FHIT: variants seen among roughly 807,000 people sequenced by gnomAD.
The protein encoded by FHIT is bis(5'-adenosyl)-triphosphatase.
FHIT carries 19 observed loss-of-function variants against 17.9 expected under a neutral mutation model. The ratio of observed to expected loss-of-function variants is 1.06; its 90% CI spans 0.74 to 1.56. FHIT has a LOEUF of 1.56. Ranked by LOEUF, FHIT falls within the 40% of genes most tolerant of loss-of-function variation. The pLI is 0.00. For synonymous variants in FHIT, 81 were observed against 69.7 expected, an observed-to-expected ratio of 1.16 and a Z score of -0.81; for missense variants, 248 against 189.2, an observed-to-expected ratio of 1.31 and a Z score of -1.82.
chr3:60,915,016 A>C lies in FHIT; in HGVS notation c.-110-93005T>G, dbSNP rs144822951. 6.9e-3 allele frequency among the ~76,000 whole-genome samples: 1,044 copies of C among 152,340 alleles called. 4 individuals are homozygous for C. Among genetic ancestry groups the C allele is most frequent in the Non-Finnish European group, 0.012 (804 of 68,026 alleles). ...CTGCAGGAAAATAAGCTCTGATTAC[A>C]CTACATAGTTCATACACCTCAATGT... On this transcript the variant is annotated intron_variant, in intron 3 of 9. Coordinates refer to ENST00000492590, the MANE Select transcript of FHIT (RefSeq NM_002012.4).
At chr3:60,666,422 T>C (rs782717901) in intron 4 of FHIT, among the ~76,000 whole-genome samples, 14 of 152,214 alleles carry the variant, frequency 9.2e-5, no homozygotes, top group Non-Finnish European at 2.9e-5. Flanking sequence ...GGCATTTCCT[T>C]CTCATCTCCA....
chr3:61,125,693 C>T (rs1213287750), intron 2 of FHIT, among the ~76,000 whole-genome samples: 1 of 152,158 alleles, frequency 6.6e-6, no homozygotes, highest in Admixed American at 6.6e-5. Context: ...TTTAAACTGT[C>T]TAAAACTATG....
intron 5 of FHIT, among the ~76,000 whole-genome samples, chr3:60,085,732 T>C (rs1437485164): frequency 6.6e-6 from 1 of 152,150 alleles, no homozygotes; most frequent in Non-Finnish European, 1.5e-5. Flanking sequence ...GCCAAAATGG[T>C]TTATATATCA....
intron 8 of FHIT, among the ~76,000 whole-genome samples, chr3:59,778,938 C>T (rs1022995479): frequency 6.6e-6 from 1 of 152,186 alleles, no homozygotes; most frequent in Non-Finnish European, 1.5e-5. Flanking sequence ...CTCACAGTTA[C>T]ATGGATTTGA....
intron 3 of FHIT, among the ~76,000 whole-genome samples, chr3:61,023,169 A>C (rs1288451620): frequency 6.6e-6 from 1 of 152,224 alleles, no homozygotes; most frequent in African/African-American, 2.4e-5. Flanking sequence ...ATCAATGTGC[A>C]AAAATCACAA....
In FHIT at chr3:60,248,442, C is replaced by T. The variant is rs558488281; in HGVS notation, c.104-234290G>A. On this transcript the variant is annotated intron_variant, in intron 5 of 9. Transcript: ENST00000492590. ...TTCCCCTTCAGGGTGTATGAGACAG[C>T]GTGTTGGAAAATGGAATGATTCTTG... Among the ~76,000 whole-genome samples the T allele has an allele frequency of 9.2e-5, 14 of 152,064 alleles. No individual in the cohort carries two copies. In the East Asian group the frequency reaches 1.5e-3, roughly 17 times the overall value.
At chr3:59,817,370 C>T (rs1271299167) in intron 8 of FHIT, among the ~76,000 whole-genome samples, 1 of 151,688 alleles carries the variant, frequency 6.6e-6, no homozygotes, top group Admixed American at 6.6e-5. Context: ...TAAGACTATC[C>T]ACCAAACGGG....
intron 5 of FHIT, among the ~76,000 whole-genome samples, chr3:60,069,373 C>T (rs1702662038): frequency 1.3e-5 from 2 of 152,164 alleles, no homozygotes; most frequent in South Asian, 4.1e-4. Context: ...CAACCTGTTA[C>T]AATTCATGAC....
At chr3:59,985,155 C>T (rs1708837526) in intron 7 of FHIT, among the ~76,000 whole-genome samples, 1 of 152,086 alleles carries the variant, frequency 6.6e-6, no homozygotes, top group Admixed American at 6.6e-5. Flanking sequence ...GTGGGGCATG[C>T]AGCTTCTGGA....
chr3:60,696,853 G>C (rs1436145715), intron 4 of FHIT, among the ~76,000 whole-genome samples: 1 of 152,170 alleles, frequency 6.6e-6, no homozygotes, highest in Non-Finnish European at 1.5e-5. Context: ...CAGAAATCCA[G>C]TGAAAGTATC....
intron 2 of FHIT, among the ~76,000 whole-genome samples, chr3:61,145,613 G>A (rs2037205831): frequency 6.6e-6 from 1 of 151,880 alleles, no homozygotes; most frequent in African/African-American, 2.4e-5. Context: ...GATCATTTTG[G>A]CCAGTATTGC....
chr3:60,121,705 AACAAACAC>A (rs1440473124), intron 5 of FHIT, among the ~76,000 whole-genome samples: 10 of 77,716 alleles, frequency 1.3e-4, no homozygotes, highest in African/African-American at 5.0e-4. Context: ...AAACAAACAA[AACAAACAC>A]ACACACACAC....
chr3:59,995,571 T>A (rs1699472733), intron 7 of FHIT, among the ~76,000 whole-genome samples: 1 of 152,138 alleles, frequency 6.6e-6, no homozygotes, highest in African/African-American at 2.4e-5. Context: ...TAATATTTTT[T>A]AAATTATGCT....
intron 8 of FHIT, among the ~76,000 whole-genome samples, chr3:59,777,785 T>A (rs1702397298): frequency 1.3e-5 from 2 of 152,022 alleles, no homozygotes; most frequent in Admixed American, 6.5e-5. Context: ...TCACCAATGC[T>A]CCGGGCACAC....
intron 4 of FHIT, among the ~76,000 whole-genome samples, chr3:60,769,577 T>G (rs1699971596): frequency 6.6e-6 from 1 of 152,132 alleles, no homozygotes; most frequent in African/African-American, 2.4e-5. Context: ...ATTCACAGAC[T>G]CCAGGGGTGC....
In FHIT at chr3:60,343,338, G is replaced by A. The variant is rs539847647; in HGVS notation, c.103+193522C>T. Among the ~76,000 whole-genome samples the A allele has an allele frequency of 2.0e-5, 3 of 152,220 alleles. No homozygotes were observed. In the South Asian group the frequency reaches 6.2e-4, roughly 32 times the overall value. ...AATGGACTTATCTAATCAAAAGCCT[G>A]ATTAAAACACTCCCTAGCAGTCTCT... On this transcript the variant is annotated intron_variant, in intron 5 of 9. Transcript: ENST00000492590.
intron 7 of FHIT, among the ~76,000 whole-genome samples, chr3:59,992,485 G>A (rs1229349160): frequency 1.3e-5 from 2 of 152,060 alleles, no homozygotes; most frequent in African/African-American, 4.8e-5. Context: ...ATCTTTAGAA[G>A]CGTATACCAA....
At chr3:60,600,094 G>T (rs1553668247) in intron 4 of FHIT, among the ~76,000 whole-genome samples, 1 of 152,082 alleles carries the variant, frequency 6.6e-6, no homozygotes, top group Non-Finnish European at 1.5e-5. Flanking sequence ...TGTACTGGTA[G>T]GGCTGCCATT....
At chr3:60,340,998 AT>A (rs1231314307) in intron 5 of FHIT, among the ~76,000 whole-genome samples, 1 of 151,906 alleles carries the variant, frequency 6.6e-6, no homozygotes, top group African/African-American at 2.4e-5. Flanking sequence ...CTATATGAGA[AT>A]TTTTTTTAAA....
Sources: allele counts gnomAD v4.1 joint callset (sites outside exome capture counted in the v4.1 genomes callset), GRCh38; gene constraint gnomAD v4.1.1; transcripts MANE v1.5; gene names NCBI Gene and HGNC (gene_info 2026-07-23, HGNC 2026-07-21).